BRINP3: variants seen among roughly 807,000 people sequenced by gnomAD.
The protein encoded by BRINP3 is BMP/retinoic acid inducible neural specific 3.
In BRINP3, 19 loss-of-function variants were observed where a neutral mutation model predicts 71.0. That is an observed-to-expected ratio of 0.27 (90% CI 0.19 to 0.39). The LOEUF (loss-of-function observed/expected upper bound fraction) is 0.39, where lower values mean the gene tolerates loss of function less well. Among genes scored for constraint, BRINP3 ranks in the 10% least tolerant of loss-of-function variants. The pLI is 1.00. For synonymous variants in BRINP3, 380 were observed against 337.7 expected (o/e 1.13, Z -1.37); for missense variants, 959 against 940.8 (o/e 1.02, Z -0.25).
Position 190,204,402 on chromosome 1 carries a change from A to G in BRINP3, c.961+21680T>C, listed in dbSNP as rs1029725667. Among the ~76,000 whole-genome samples, 12 of 152,040 alleles carry G rather than the reference A, an allele frequency of 7.9e-5. 1 individual carries two copies. Among genetic ancestry groups the G allele is most frequent in the Admixed American group, 3.9e-4 (6 of 15,240 alleles). On this transcript the variant is annotated intron_variant, in intron 6 of 7. Transcript: ENST00000367462. ...AAAAAATATTTATTTTGGTAGAAAT[A>G]AGACTATAGAAATAAATTGACTCAT...
At chr1:190,165,456 T>TGTGTGTGTG (rs1483286350) in intron 6 of BRINP3, among the ~76,000 whole-genome samples, 1 of 107,626 alleles carries the variant, frequency 9.3e-6, no homozygotes, top group African/African-American at 3.7e-5. Context: ...TTTTTTTTTT[T>TGTGTGTGTG]TTTTTGTGTG....
At chr1:190,433,459 C>T (rs1377084285) in intron 2 of BRINP3, among the ~76,000 whole-genome samples, 1 of 152,126 alleles carries the variant, frequency 6.6e-6, no homozygotes, top group Non-Finnish European at 1.5e-5. Flanking sequence ...ATGAGTGATT[C>T]TGCTATTTTC....
At chr1:190,149,302 A>T (rs558854155) in intron 7 of BRINP3, among the ~76,000 whole-genome samples, 1 of 152,108 alleles carries the variant, frequency 6.6e-6, no homozygotes, top group Admixed American at 6.6e-5. Flanking sequence ...TGCTATTTAG[A>T]TAGGTATTTC....
intron 6 of BRINP3, among the ~76,000 whole-genome samples, chr1:190,193,461 T>A (rs576933947): frequency 6.6e-6 from 1 of 152,206 alleles, no homozygotes; most frequent in African/African-American, 2.4e-5. Context: ...AAGAGAGTTA[T>A]CAGTTTTATT....
intron 7 of BRINP3, among the ~76,000 whole-genome samples, chr1:190,140,481 C>T (rs1655342223): frequency 6.6e-6 from 1 of 152,016 alleles, no homozygotes; most frequent in African/African-American, 2.4e-5. Flanking sequence ...CCACACAGAA[C>T]TATATTTACA....
intron 3 of BRINP3, among the ~76,000 whole-genome samples, chr1:190,276,537 T>C (rs911877608): frequency 6.6e-6 from 1 of 150,530 alleles, no homozygotes; most frequent in African/African-American, 2.4e-5. Context: ...AACTTCTGAC[T>C]TACACTTTCT....
intron 6 of BRINP3, among the ~76,000 whole-genome samples, chr1:190,221,893 C>G (rs1210346163): frequency 6.6e-6 from 1 of 152,016 alleles, no homozygotes. Flanking sequence ...TGCCCAACAA[C>G]AGAGTTTCCT....
At position 190,461,822 on chromosome 1, in the gene BRINP3, G is replaced by T. The variant is rs938455985; in HGVS notation, c.-50-6882C>A. ...AAATAGCTTTGGCAGTTGAAGAAAG[G>T]GAGCAAATTGAGTTATGAGGTAATG... On this transcript the variant is annotated intron_variant, in intron 1 of 7. Coordinates refer to ENST00000367462, the MANE Select transcript of BRINP3 (RefSeq NM_199051.3). Among the ~76,000 whole-genome samples the T allele has an allele frequency of 1.4e-4, 21 of 152,286 alleles. No homozygotes were observed. In the East Asian group the frequency reaches 3.9e-3, roughly 28 times the overall value.
chr1:190,341,378 A>T (rs944801395), intron 2 of BRINP3, among the ~76,000 whole-genome samples: 1 of 151,894 alleles, frequency 6.6e-6, no homozygotes, highest in African/African-American at 2.4e-5. Flanking sequence ...ATGATGTTTA[A>T]TATTTCTTCT....
At chr1:190,226,397 A>C (rs1315899811) in intron 5 of BRINP3, 79 bp from the exon 6 acceptor site, 1 of 758,104 alleles carries the variant, frequency 1.3e-6, no homozygotes, top group African/African-American at 1.8e-5. Flanking sequence ...ATATTCAATC[A>C]AAACAGTAAA....
At chr1:190,374,013 C>G (rs1012650761) in intron 2 of BRINP3, among the ~76,000 whole-genome samples, 3 of 151,422 alleles carry the variant, frequency 2.0e-5, no homozygotes, top group African/African-American at 7.3e-5. Context: ...AGTGGGTACA[C>G]TTAGGGGCAT....
At chr1:190,181,591 G>A (rs72729145) in intron 6 of BRINP3, among the ~76,000 whole-genome samples, 12,081 of 151,834 alleles carry the variant, frequency 0.08, 563 homozygotes, top group East Asian at 0.11. Context: ...TACACTATGC[G>A]TACAAAACTT....
chr1:190,344,346 A>G (rs1667871434), intron 2 of BRINP3, among the ~76,000 whole-genome samples: 1 of 151,856 alleles, frequency 6.6e-6, no homozygotes, highest in Admixed American at 6.6e-5. Flanking sequence ...CTAAGGTCAA[A>G]TAGTTAGAAA....
chr1:190,374,941 C>T (rs1289228942), intron 2 of BRINP3, among the ~76,000 whole-genome samples: 1 of 151,872 alleles, frequency 6.6e-6, no homozygotes, highest in East Asian at 1.9e-4. Context: ...TCCATTAGAA[C>T]AAACAATAAT....
intron 2 of BRINP3, among the ~76,000 whole-genome samples, chr1:190,344,910 C>T (rs1667910115): frequency 6.6e-6 from 1 of 151,754 alleles, no homozygotes; most frequent in African/African-American, 2.4e-5. Flanking sequence ...GAATGATGAA[C>T]ACTCGCTTAA....
At chr1:190,464,262 G>T (rs1023559899) in intron 1 of BRINP3, among the ~76,000 whole-genome samples, 4 of 151,618 alleles carry the variant, frequency 2.6e-5, no homozygotes, top group South Asian at 2.1e-4. Context: ...TGGCAGAAAT[G>T]GATGTTTATT....
chr1:190,353,771 T>C (rs1419181075), intron 2 of BRINP3, among the ~76,000 whole-genome samples: 28 of 151,986 alleles, frequency 1.8e-4, no homozygotes, highest in Non-Finnish European at 4.4e-5. Context: ...TCTTGTGTAT[T>C]CCACCAGACA....
chr1:190,332,284 C>A (rs1390461818), intron 2 of BRINP3, among the ~76,000 whole-genome samples: 1 of 152,018 alleles, frequency 6.6e-6, no homozygotes, highest in East Asian at 1.9e-4. Flanking sequence ...TAAATGGGTG[C>A]CAAAGGGCAA....
At chr1:190,221,503 GAAGAA>G (rs74616143) in intron 6 of BRINP3, among the ~76,000 whole-genome samples, 29,350 of 151,858 alleles carry the variant, frequency 0.19, 3,445 homozygotes, top group Middle Eastern at 0.29. Context: ...AGTAAGAAGA[GAAGAA>G]GAGACTAAAA....
Sources: allele counts gnomAD v4.1 joint callset (sites outside exome capture counted in the v4.1 genomes callset), GRCh38; gene constraint gnomAD v4.1.1; transcripts MANE v1.5; gene names NCBI Gene and HGNC (gene_info 2026-07-23, HGNC 2026-07-21).